RBKS: variants seen among roughly 807,000 people sequenced by gnomAD.
The protein encoded by RBKS is ribokinase.
In RBKS, 33 loss-of-function variants were observed where a neutral mutation model predicts 33.9. That is an observed-to-expected ratio of 0.97 (90% confidence interval 0.74 to 1.30). RBKS has a LOEUF of 1.30. Among genes scored for constraint, RBKS ranks in the 50% most tolerant of loss-of-function variants. The pLI is 0.00. For missense variants in RBKS, 361 were observed against 392.6 expected (o/e 0.92, Z 0.68); for synonymous variants, 125 against 143.0 (o/e 0.87, Z 0.90).
At chr2:27,792,457 C>CTT (rs1677553269) in intron 7 of RBKS, among the ~76,000 whole-genome samples, 1 of 152,206 alleles carries the variant, frequency 6.6e-6, no homozygotes, top group African/African-American at 2.4e-5. Context: ...AGCTAAGCAA[C>CTT]TGTTAGTTCT....
At chr2:27,794,305 AAATAATAATAATAAT>A (rs70953884) in intron 7 of RBKS, among the ~76,000 whole-genome samples, 121 of 137,734 alleles carry the variant, frequency 8.8e-4, no homozygotes, top group African/African-American at 2.5e-3. Context: ...CCCCCCCACA[AAATAATAATAATAAT>A]AATAATAATA....
chr2:27,885,004 C>T (rs193019247), intron 1 of RBKS, among the ~76,000 whole-genome samples: 158 of 152,126 alleles, frequency 1.0e-3, no homozygotes, highest in African/African-American at 3.5e-3. Flanking sequence ...TTTATATCTC[C>T]GGGTTGGACC....
At position 27,795,979 on chromosome 2, in the gene RBKS, T is replaced by C. The variant is rs1677658128; in HGVS notation, c.796-14191A>G. On this transcript the variant is annotated intron_variant, in intron 7 of 7. Transcript: ENST00000302188. This position sits in a 1 kb window ranked among gnomAD's most constrained non-coding sequence, Gnocchi z 4.1. Reference sequence around the variant, plus strand: ...TCCCTTGCTTTGAGTTGACCTGACTTATTGGTCCTGGTTCTATCATGTTCT... The same window carrying C: ...TCCCTTGCTTTGAGTTGACCTGACTCATTGGTCCTGGTTCTATCATGTTCT... Among the ~76,000 whole-genome samples, 1 of 152,190 alleles carries C rather than the reference T, an allele frequency of 6.6e-6. No individual in the cohort carries two copies. Among genetic ancestry groups the C allele is most frequent in the South Asian group, 2.1e-4 (1 of 4,836 alleles).
chr2:27,849,583 AAAAG>A (rs1484033418), intron 2 of RBKS, among the ~76,000 whole-genome samples: 10 of 135,702 alleles, frequency 7.4e-5, no homozygotes, highest in African/African-American at 2.5e-4. Flanking sequence ...AAAAAAAAAA[AAAAG>A]AAAAAGAAAA....
intron 7 of RBKS, chr2:27,809,810 A>G (rs1677958901): frequency 1.7e-5 from 10 of 587,610 alleles, no homozygotes; most frequent in Non-Finnish European, 2.6e-5. Flanking sequence ...AGATTATTAA[A>G]CAGCAAAGGC....
At chr2:27,846,932 G>T in intron 4 of RBKS, 110 bp downstream of exon 4, 1 of 674,872 alleles carries the variant, frequency 1.5e-6, no homozygotes, top group South Asian at 2.1e-5. Context: ...GCCTTGGAGT[G>T]ATGGGTATAG....
chr2:27,832,824 C>G, intron 5 of RBKS, 47 bp from the exon 6 acceptor site: 1 of 1,237,294 alleles, frequency 8.1e-7, no homozygotes, highest in East Asian at 2.3e-5. Flanking sequence ...TCATTTTTAA[C>G]ATGGTGCATT....
intron 1 of RBKS, among the ~76,000 whole-genome samples, chr2:27,886,706 T>C (rs1664535368): frequency 6.6e-6 from 1 of 151,346 alleles, no homozygotes; most frequent in South Asian, 2.1e-4. Context: ...AGAGCCCATC[T>C]TTAACAAAAT....
chr2:27,861,349 A>G (rs926633684), intron 1 of RBKS: 9 of 405,586 alleles, frequency 2.2e-5, no homozygotes, highest in African/African-American at 1.9e-4. Context: ...TTGATTAGGG[A>G]AGCAGGGGGA....
At chr2:27,820,644 T>C (rs913315715) in intron 7 of RBKS, among the ~76,000 whole-genome samples, 3 of 152,040 alleles carry the variant, frequency 2.0e-5, no homozygotes, top group Non-Finnish European at 4.4e-5. Context: ...ACTCTGGGCC[T>C]CAAGCAATCC....
At chr2:27,824,568 T>C (rs1225089341) in intron 7 of RBKS, among the ~76,000 whole-genome samples, 1 of 152,280 alleles carries the variant, frequency 6.6e-6, no homozygotes, top group Admixed American at 6.5e-5. Context: ...TTCTTTTTAA[T>C]GGCTGAATAA....
At chr2:27,808,958 G>C (rs75446579) in intron 7 of RBKS, among the ~76,000 whole-genome samples, 2,158 of 152,294 alleles carry the variant, frequency 0.014, 38 homozygotes, top group Non-Finnish European at 0.017. Context: ...ATGGGAACTG[G>C]AGATAAAATG....
In RBKS at chr2:27,847,966, A is replaced by G. The variant is rs560733456; in HGVS notation, c.286+68T>C. 3.3e-5 allele frequency: 30 copies of G among 906,080 alleles called. No homozygotes were observed. The African/African-American group carries it at 3.4e-4, about 10-fold the overall frequency. 56.1% of individuals were successfully genotyped at this position (906,080 alleles called of 1,614,324 possible). A position where few individuals can be genotyped will look rare whatever the true frequency, so the allele number is the denominator to read the frequency against. On this transcript the variant is annotated intron_variant, in intron 3 of 7. Transcript: ENST00000302188. Reference sequence around the variant, plus strand: ...GTCTAATAATCCTCCTCTAGATTCAATTTTTCTCATAACAAAATCACAGAA... The same window carrying G: ...GTCTAATAATCCTCCTCTAGATTCAGTTTTTCTCATAACAAAATCACAGAA...
intron 4 of RBKS, among the ~76,000 whole-genome samples, chr2:27,846,823 A>G (rs998383722): frequency 1.3e-5 from 2 of 152,200 alleles, no homozygotes; most frequent in African/African-American, 4.8e-5. Flanking sequence ...TGGATTGACA[A>G]TTTTGAAAAT....
intron 1 of RBKS, among the ~76,000 whole-genome samples, chr2:27,864,543 A>G (rs951810996): frequency 4.6e-5 from 7 of 152,200 alleles, no homozygotes; most frequent in African/African-American, 1.7e-4. Context: ...CCCATGTTAC[A>G]GTCTTACAGG....
chr2:27,829,367 T>G (rs1450442247), intron 6 of RBKS, among the ~76,000 whole-genome samples: 2 of 147,166 alleles, frequency 1.4e-5, no homozygotes, highest in Admixed American at 6.7e-5. Context: ...TTCAGTGTTT[T>G]TTTTTTTTTT....
intron 7 of RBKS, among the ~76,000 whole-genome samples, chr2:27,786,899 G>A (rs1021588198): frequency 2.0e-5 from 3 of 152,220 alleles, no homozygotes; most frequent in Admixed American, 1.3e-4. Flanking sequence ...AGGGCTTGGT[G>A]GAACTGTGTG....
intron 2 of RBKS, among the ~76,000 whole-genome samples, chr2:27,851,843 T>C (rs1663752359): frequency 6.6e-6 from 1 of 152,192 alleles, no homozygotes; most frequent in East Asian, 1.9e-4. Context: ...CCGGCTGTCA[T>C]GTTCCATTCT....
At chr2:27,832,486 G>C (rs1421149523) in intron 6 of RBKS, among the ~76,000 whole-genome samples, 200 bp downstream of exon 6, 2 of 152,138 alleles carry the variant, frequency 1.3e-5, no homozygotes, top group African/African-American at 4.8e-5. Flanking sequence ...GAATATGGAA[G>C]TGACTCAGAG....
Sources: gnomAD v4.1 joint callset for allele counts (sites outside exome capture counted in the v4.1 genomes callset) on GRCh38, gnomAD v4.1.1 for gene constraint, Gnocchi (gnomAD v3.1) non-coding constraint, MANE v1.5 for transcripts, NCBI Gene and HGNC (gene_info 2026-07-23, HGNC 2026-07-21) for gene names.